Variants in NECAB1 observed in about 807,000 individuals in gnomAD.
NECAB1 encodes the protein N-terminal EF-hand calcium binding protein 1, also known as N-terminal EF-hand calcium-binding protein 1.
NECAB1 carries 29 observed loss-of-function variants against 57.5 expected under a neutral mutation model. That is an observed-to-expected ratio of 0.50 (90% CI 0.38 to 0.69). NECAB1 has a LOEUF of 0.69. NECAB1 is among the 30% of genes least tolerant of loss of function. The probability of loss-of-function intolerance (pLI) is 0.00; values close to 1 mark genes in which losing one functional copy is unlikely to be tolerated. For missense variants in NECAB1, 372 were observed against 413.8 expected (o/e 0.90, Z 0.88); for synonymous variants, 142 against 147.7 (o/e 0.96, Z 0.28).
intron 5 of NECAB1, among the ~76,000 whole-genome samples, chr8:90,886,390 TCA>T (rs1586086295): frequency 6.6e-6 from 1 of 152,336 alleles, no homozygotes. Flanking sequence ...CAGTTTTGTG[TCA>T]GAGCTCACTA....
chr8:90,835,511 G>A lies in NECAB1; in HGVS notation c.233+10686G>A, dbSNP rs551868533. On this transcript the variant is annotated intron_variant, in intron 3 of 12. Coordinates refer to ENST00000417640, the MANE Select transcript of NECAB1 (RefSeq NM_022351.5). ...GAGCCAACATAAGAACCCATTTTGC[G>A]GAATTTAGGACTAATATAAAAATAC... is the stretch of plus-strand genomic sequence containing the variant. Among the ~76,000 whole-genome samples, 236 of 151,618 alleles carry A rather than the reference G, an allele frequency of 1.6e-3. 1 individual carries two copies. Among genetic ancestry groups the A allele is most frequent in the Admixed American group, 3.2e-3 (49 of 15,208 alleles).
chr8:90,950,643 T>G lies in NECAB1; in HGVS notation c.939-470T>G, dbSNP rs577368358. Among the ~76,000 whole-genome samples, 250 of 152,222 alleles carry G rather than the reference T, an allele frequency of 1.6e-3. 2 individuals carry two copies. Among genetic ancestry groups the G allele is most frequent in the African/African-American group, 5.5e-3 (230 of 41,532 alleles). ...TAAAAGTTTTATTTTTGTGGCAATT[T>G]TGAAGGCACTTTGTGCTATAAGGAA... On this transcript the variant is annotated intron_variant, in intron 11 of 12. Coordinates refer to ENST00000417640, the MANE Select transcript of NECAB1 (RefSeq NM_022351.5).
intron 3 of NECAB1, among the ~76,000 whole-genome samples, chr8:90,859,932 A>G (rs973597944): frequency 3.5e-4 from 53 of 152,180 alleles, no homozygotes; most frequent in African/African-American, 1.2e-3. Flanking sequence ...AAATGTTTAC[A>G]GGGAAATATT....
chr8:90,904,800 T>C (rs1809596954), intron 5 of NECAB1, among the ~76,000 whole-genome samples: 1 of 152,158 alleles, frequency 6.6e-6, no homozygotes. Flanking sequence ...GAAATCTTAC[T>C]TGTGAAAGAG....
intron 3 of NECAB1, among the ~76,000 whole-genome samples, chr8:90,869,386 C>T (rs1390705376): frequency 4.6e-5 from 7 of 152,158 alleles, no homozygotes; most frequent in Admixed American, 6.6e-5. Flanking sequence ...AATCCACTGA[C>T]GAGTTTCACT....
intron 5 of NECAB1, among the ~76,000 whole-genome samples, chr8:90,881,789 G>A (rs73694324): frequency 0.051 from 7,833 of 152,184 alleles, 702 homozygotes; most frequent in African/African-American, 0.18. Context: ...ACTGACTAAT[G>A]TGCTAAGCAT....
chr8:90,812,446 A>G (rs1197395766), intron 2 of NECAB1, among the ~76,000 whole-genome samples: 1 of 152,124 alleles, frequency 6.6e-6, no homozygotes, highest in Non-Finnish European at 1.5e-5. Context: ...GATTTTTTTC[A>G]CTAAATTAGG....
At chr8:90,809,554 G>A (rs1261697493) in intron 2 of NECAB1, among the ~76,000 whole-genome samples, 1 of 152,190 alleles carries the variant, frequency 6.6e-6, no homozygotes. Flanking sequence ...GAAGTGTTAA[G>A]TAAGAGAGAT....
intron 2 of NECAB1, among the ~76,000 whole-genome samples, chr8:90,821,034 C>T (rs1812135320): frequency 6.6e-6 from 1 of 151,788 alleles, no homozygotes; most frequent in Non-Finnish European, 1.5e-5. Context: ...CCCTTTTCTT[C>T]CTTGTTGTAG....
In NECAB1 at chr8:90,914,801, T is replaced by C. The variant is rs2130104416; in HGVS notation, c.358-2691T>C. ...AAAATATTTGTATGTAAGATCACAATAGCAAATGCAATAAATTCTTAGAGT... is the reference window on the plus strand; with the variant it reads ...AAAATATTTGTATGTAAGATCACAACAGCAAATGCAATAAATTCTTAGAGT... On this transcript the variant is annotated intron_variant, in intron 5 of 12. Coordinates refer to ENST00000417640, the MANE Select transcript of NECAB1 (RefSeq NM_022351.5). Among the ~76,000 whole-genome samples, 2 of 152,296 alleles carry C rather than the reference T, an allele frequency of 1.3e-5. 1 individual carries two copies. The highest frequency in any genetic ancestry group is 4.1e-4 in the South Asian group (2 of 4,824).
chr8:90,919,006 T>C (rs747293806), intron 6 of NECAB1, among the ~76,000 whole-genome samples: 4 of 151,722 alleles, frequency 2.6e-5, no homozygotes, highest in Admixed American at 6.6e-5. Flanking sequence ...TTTCAGGAAA[T>C]GGAGAAAAGT....
intron 1 of NECAB1, among the ~76,000 whole-genome samples, chr8:90,799,014 T>C (rs1004785701): frequency 6.6e-6 from 1 of 152,186 alleles, no homozygotes. Context: ...TGTGAGATGA[T>C]AGCATATTGT....
chr8:90,799,112 G>A (rs1811718829), intron 1 of NECAB1, among the ~76,000 whole-genome samples: 1 of 152,128 alleles, frequency 6.6e-6, no homozygotes, highest in Non-Finnish European at 1.5e-5. Context: ...CTTTTGAGAA[G>A]TGTCTGTTCA....
At chr8:90,886,734 CA>C (rs1235980652) in intron 5 of NECAB1, among the ~76,000 whole-genome samples, 1 of 151,876 alleles carries the variant, frequency 6.6e-6, no homozygotes, top group Non-Finnish European at 1.5e-5. Context: ...GCCGTGTTTG[CA>C]TAAGTTTTAT....
chr8:90,835,655 G>A (rs1812359535), intron 3 of NECAB1, among the ~76,000 whole-genome samples: 1 of 151,856 alleles, frequency 6.6e-6, no homozygotes, highest in Non-Finnish European at 1.5e-5. Context: ...CCTTCAAGAG[G>A]TACCATTTAA....
intron 4 of NECAB1, among the ~76,000 whole-genome samples, chr8:90,880,318 A>G (rs1309223186): frequency 1.3e-5 from 2 of 152,144 alleles, no homozygotes; most frequent in African/African-American, 4.8e-5. Flanking sequence ...TTCTCAATAT[A>G]TAAATTTATG....
intron 2 of NECAB1, among the ~76,000 whole-genome samples, chr8:90,822,140 G>C (rs1004620378): frequency 2.0e-5 from 3 of 151,812 alleles, no homozygotes; most frequent in African/African-American, 7.3e-5. Context: ...GACCTCACAA[G>C]ATTTGGCTAT....
At chr8:90,834,986 C>CTT (rs1380539475) in intron 3 of NECAB1, among the ~76,000 whole-genome samples, 1 of 121,102 alleles carries the variant, frequency 8.3e-6, no homozygotes, top group Non-Finnish European at 1.7e-5. Flanking sequence ...CCCTGACTTT[C>CTT]TTTTTTTTTT....
intron 3 of NECAB1, among the ~76,000 whole-genome samples, chr8:90,839,723 A>T (rs551968127): frequency 9.3e-4 from 142 of 152,358 alleles, no homozygotes; most frequent in African/African-American, 3.3e-3. Flanking sequence ...GGCATTCAGC[A>T]TGCGCAGAGC....
Sources: gnomAD v4.1 joint callset for allele counts (sites outside exome capture counted in the v4.1 genomes callset) on GRCh38, gnomAD v4.1.1 for gene constraint, MANE v1.5 for transcripts, NCBI Gene and HGNC (gene_info 2026-07-23, HGNC 2026-07-21) for gene names.